Variants in RAD54B observed in about 807,000 individuals in gnomAD.
RAD54B encodes RAD54 homolog B, also known as DNA repair and recombination protein RAD54B.
RAD54B carries 78 observed loss-of-function variants against 95.8 expected under a neutral mutation model. That is an observed-to-expected ratio of 0.81 (90% CI 0.68 to 0.98). RAD54B has a LOEUF of 0.98. RAD54B is among the 50% of genes least tolerant of loss of function. The probability of loss-of-function intolerance (pLI) is 0.00; values close to 1 mark genes in which losing one functional copy is unlikely to be tolerated. For synonymous variants in RAD54B, 328 were observed against 354.9 expected, an observed-to-expected ratio of 0.92 and a Z score of 0.85; for missense variants, 957 against 1,056.6, an observed-to-expected ratio of 0.91 and a Z score of 1.31.
chr8:94,451,077 A>G (rs1812645501), intron 3 of RAD54B, among the ~76,000 whole-genome samples: 1 of 152,192 alleles, frequency 6.6e-6, no homozygotes, highest in African/African-American at 2.4e-5. Context: ...AGAAGAGCTA[A>G]AAGCAATAAC....
At position 94,443,793 on chromosome 8, in the gene RAD54B, T is replaced by C. The variant is rs1812455460; in HGVS notation, c.304+14475A>G. ...GTAACAGATGCTCCTGTGACTTGTG[T>C]TTTTCCCAGGTGTATCCTTAAACTT... On this transcript the variant is annotated intron_variant, in intron 3 of 14. Coordinates refer to ENST00000336148, the MANE Select transcript of RAD54B (RefSeq NM_012415.3). Among the ~76,000 whole-genome samples, 4 of 152,064 alleles carry C rather than the reference T, an allele frequency of 2.6e-5. No individual in the cohort carries two copies. The South Asian group carries it at 8.3e-4, about 32-fold the overall frequency.
At chr8:94,474,699 C>A (rs146761655) in intron 1 of RAD54B, among the ~76,000 whole-genome samples, 1 of 152,248 alleles carries the variant, frequency 6.6e-6, no homozygotes, top group East Asian at 1.9e-4. Flanking sequence ...CCAAGAGGAG[C>A]CTGCGCAAAG....
At chr8:94,470,277 A>T (rs544533875) in intron 1 of RAD54B, among the ~76,000 whole-genome samples, 1 of 151,916 alleles carries the variant, frequency 6.6e-6, no homozygotes, top group Non-Finnish European at 1.5e-5. Flanking sequence ...CCAGGCTAAC[A>T]TGGTGAAACC....
chr8:94,452,395 A>G (rs1471122128), intron 3 of RAD54B, among the ~76,000 whole-genome samples: 8 of 152,246 alleles, frequency 5.3e-5, no homozygotes, highest in Non-Finnish European at 7.3e-5. Flanking sequence ...GTGATGGAGC[A>G]CCATGTCAGT....
intron 5 of RAD54B, among the ~76,000 whole-genome samples, chr8:94,406,027 C>CACACACACAT (rs11281421): frequency 0.21 from 31,216 of 150,034 alleles, 3,857 homozygotes; most frequent in East Asian, 0.38. Flanking sequence ...CACACACACA[C>CACACACACAT]ATATATATAA....
intron 2 of RAD54B, among the ~76,000 whole-genome samples, chr8:94,465,485 A>G (rs1813001729): frequency 6.6e-6 from 1 of 152,224 alleles, no homozygotes; most frequent in African/African-American, 2.4e-5. Flanking sequence ...AGATGCCAAT[A>G]ATAAAAAAAT....
chr8:94,386,937 A>G, intron 11 of RAD54B, 47 bp downstream of exon 11: 1 of 1,347,646 alleles, frequency 7.4e-7, no homozygotes, highest in Non-Finnish European at 9.8e-7. Flanking sequence ...GAAATAGTGC[A>G]AACTAAAACT....
chr8:94,391,518 A>G, intron 10 of RAD54B, 91 bp downstream of exon 10: 1 of 1,347,896 alleles, frequency 7.4e-7, no homozygotes. Context: ...CCACAAATGC[A>G]ACCTCAGAAA....
chr8:94,404,271 A>G (rs772452098), intron 5 of RAD54B, 32 bp from the exon 6 acceptor site: 1 of 1,518,242 alleles, frequency 6.6e-7, no homozygotes, highest in Non-Finnish European at 8.9e-7. Context: ...AAGTATTGTA[A>G]TTTCACTTTT....
chr8:94,470,223 G>A (rs1183176457), intron 1 of RAD54B, among the ~76,000 whole-genome samples: 1 of 152,204 alleles, frequency 6.6e-6, no homozygotes. Context: ...CACTTCAGGA[G>A]GCCGAGGCAG....
intron 14 of RAD54B, among the ~76,000 whole-genome samples, chr8:94,373,912 A>G (rs80162410): frequency 0.028 from 4,309 of 152,296 alleles, 81 homozygotes; most frequent in Non-Finnish European, 0.043. Flanking sequence ...ATCACACCTA[A>G]AAGAAAAGCC....
intron 1 of RAD54B, among the ~76,000 whole-genome samples, chr8:94,473,728 G>A (rs893808320): frequency 1.3e-5 from 2 of 152,190 alleles, no homozygotes; most frequent in Non-Finnish European, 2.9e-5. Flanking sequence ...ATGCAAGAAT[G>A]TAAGTACACC....
chr8:94,433,276 C>T (rs1349225010), intron 3 of RAD54B, among the ~76,000 whole-genome samples: 1 of 151,956 alleles, frequency 6.6e-6, no homozygotes, highest in Non-Finnish European at 1.5e-5. Flanking sequence ...GAAAAACTTC[C>T]GTTTTACCTA....
At position 94,380,366 on chromosome 8, in the gene RAD54B, A is replaced by G; in HGVS notation, c.2026T>C (p.Leu676=). 2 of 1,613,796 alleles carry G rather than the reference A, an allele frequency of 1.2e-6. No homozygotes were observed. The highest frequency in any genetic ancestry group is 2.2e-5 in the South Asian group (2 of 90,998). ...VSNYTQTLNI[L]QEVCKRHGYA... ...CCATGACGCTTACATACTTCTTGTA[A>G]AATGTTCAAGGTTTGTGTATAGTTG... The change falls in exon 12 of 15, where the codon TTA becomes CTA. Residue 676 remains leucine (L), a synonymous_variant. Coordinates refer to ENST00000336148, the MANE Select transcript of RAD54B (RefSeq NM_012415.3).
chr8:94,415,209 A>G lies in RAD54B; in HGVS notation c.305-3894T>C, dbSNP rs529413878. 4.0e-5 allele frequency among the ~76,000 whole-genome samples: 6 copies of G among 151,652 alleles called. 1 individual carries two copies. The highest frequency in any genetic ancestry group is 9.7e-5 in the African/African-American group (4 of 41,372). ...ATAGAACAGAGCCCTCAGAAATAAC[A>G]CCGCATATCTACAACTATCTGATCT... is the stretch of plus-strand genomic sequence containing the variant. On this transcript the variant is annotated intron_variant, in intron 3 of 14. Transcript: ENST00000336148.
At chr8:94,376,011 A>T (rs1810559770) in intron 14 of RAD54B, among the ~76,000 whole-genome samples, 1 of 152,196 alleles carries the variant, frequency 6.6e-6, no homozygotes, top group Admixed American at 6.5e-5. Context: ...TATATTACCG[A>T]TTCAAAAGTT....
intron 3 of RAD54B, among the ~76,000 whole-genome samples, chr8:94,420,436 A>G (rs115638281): frequency 2.7e-4 from 40 of 149,070 alleles, no homozygotes; most frequent in African/African-American, 8.4e-4. Context: ...TTTTTTTCGT[A>G]TTTTCAATAG....
At position 94,404,221 on chromosome 8, in the gene RAD54B, C is replaced by T. The variant is rs764212601; in HGVS notation, c.800G>A (p.Arg267Gln). The change falls in exon 6 of 15, where the codon CGA (arginine) becomes CAA (glutamine). Residue 267 changes from arginine to glutamine, a missense_variant. Physicochemically the swap from Arg to Gln is conservative, Grantham distance 43. Transcript: ENST00000336148. ...PYTPNSLVMPRPDKNHQWVFN... is the reference protein window; with the variant it reads ...PYTPNSLVMPQPDKNHQWVFN... ...TACCCACTGGTGATTCTTATCTGGT[C>T]GTGGCATAACGAGGGAATCTTAAAA... 1.7e-5 allele frequency: 27 copies of T among 1,588,748 alleles called. No homozygotes were observed. The highest frequency in any genetic ancestry group is 1.5e-4 in the Admixed American group (8 of 52,856).
At chr8:94,455,623 G>C (rs1812761249) in intron 3 of RAD54B, among the ~76,000 whole-genome samples, 1 of 152,130 alleles carries the variant, frequency 6.6e-6, no homozygotes. Flanking sequence ...TAACAAACTG[G>C]GTGGCTTTAA....
Sources: gnomAD v4.1 joint callset for allele counts (sites outside exome capture counted in the v4.1 genomes callset) on GRCh38, gnomAD v4.1.1 for gene constraint, MANE v1.5 for transcripts, NCBI Gene and HGNC (gene_info 2026-07-23, HGNC 2026-07-21) for gene names.